Variants in PLD3 observed in about 807,000 individuals in gnomAD.
PLD3 encodes phospholipase D family member 3, also known as 5'-3' exonuclease PLD3.
Under a neutral mutation model 58.4 loss-of-function variants are expected in PLD3, and 31 were observed. The observed-to-expected ratio is 0.53, with a 90% CI of 0.40 to 0.72. The LOEUF is 0.72. Ranked by LOEUF, PLD3 falls within the 30% of genes least tolerant of loss-of-function variation. The pLI is 0.00. For missense variants in PLD3, 595 were observed against 659.8 expected, an observed-to-expected ratio of 0.90 and a Z score of 1.08; for synonymous variants, 264 against 273.4, an observed-to-expected ratio of 0.97 and a Z score of 0.34.
At chr19:40,373,991 C>CAAAAAA (rs750537190) in intron 9 of PLD3, among the ~76,000 whole-genome samples, 2 of 43,564 alleles carry the variant, frequency 4.6e-5, no homozygotes, top group Non-Finnish European at 9.5e-5. Context: ...GACTCCATCT[C>CAAAAAA]AAAAAAAAAA....
rs1195878258 is a variant in PLD3 at position 40,376,532 on chromosome 19, C to T, written c.1020-77C>T. ...GCTAAAGCAGGGCCCAGGCTTGGTT[C>T]CCCAAAGCTGAGGGCAAAGCCTGTG... On this transcript the variant is annotated intron_variant, in intron 10 of 12. Coordinates refer to ENST00000409735, the MANE Select transcript of PLD3 (RefSeq NM_012268.4). 1.7e-5 allele frequency: 25 copies of T among 1,439,524 alleles called. No homozygotes were observed. The East Asian group carries it at 5.5e-4, about 32-fold the overall frequency. 89.2% of individuals were successfully genotyped at this position (1,439,524 alleles called of 1,614,324 possible).
rs766025627 is a variant in PLD3 at position 40,369,944 on chromosome 19, C to G, written c.466C>G (p.Pro156Ala). The G allele has an allele frequency of 7.0e-6, 11 of 1,562,390 alleles. No individual in the cohort carries two copies. In the African/African-American group the frequency reaches 1.5e-4, roughly 21 times the overall value. Residue 156 changes from proline to alanine, a missense_variant, in exon 7 of 13, where the codon CCA becomes GCA. By Grantham distance (27) the Pro-to-Ala change is conservative. Transcript: ENST00000409735. ...CCTCCGGCAGCTGCAGACCCTGGCA[C>G]CAAAGGGCGTGAACGTCCGCATCGC... ...EVLRQLQTLA[P>A]KGVNVRIAVS...
rs149654273 is a variant in PLD3 at position 40,365,999 on chromosome 19, T to A, written c.-66+69T>A. 132 of 161,892 alleles carry A rather than the reference T, an allele frequency of 8.2e-4. 4 individuals are homozygous for A. The East Asian group carries it at 0.024, about 29-fold the overall frequency. 10.0% of individuals were successfully genotyped at this position (161,892 alleles called of 1,614,324 possible). ...CAGGGAGGCCCCGATGATCCCTGGC[T>A]GAGCTGTGTGGTGTGGGGGCACCTG... On this transcript the variant is annotated intron_variant, in intron 2 of 12. Coordinates refer to ENST00000409735, the MANE Select transcript of PLD3 (RefSeq NM_012268.4).
At chr19:40,348,791 G>C in intron 1 of PLD3, 23 bp downstream of exon 1, 1 of 318,570 alleles carries the variant, frequency 3.1e-6, no homozygotes, top group Admixed American at 5.0e-5. Context: ...CTGGGGGCGC[G>C]GCGCCTCGGC....
intron 1 of PLD3, chr19:40,357,695 T>C (rs1198112161): frequency 6.6e-6 from 1 of 152,226 alleles, no homozygotes; most frequent in East Asian, 1.9e-4. Flanking sequence ...GCTTTCAGTA[T>C]TTTTTGAGCA....
intron 9 of PLD3, among the ~76,000 whole-genome samples, chr19:40,372,352 C>A (rs1448144151): frequency 6.6e-6 from 1 of 151,386 alleles, no homozygotes; most frequent in Non-Finnish European, 1.5e-5. Context: ...ACAAAACTAG[C>A]TGGGTTGGGT....
intron 1 of PLD3, among the ~76,000 whole-genome samples, chr19:40,354,277 T>C (rs901859190): frequency 6.6e-6 from 1 of 151,892 alleles, no homozygotes; most frequent in African/African-American, 2.4e-5. Flanking sequence ...TTTCACCATG[T>C]TGGTCAGGCT....
At chr19:40,366,551 A>C in intron 3 of PLD3, 41 bp downstream of exon 3, 13 of 1,595,894 alleles carry the variant, frequency 8.1e-6, no homozygotes, top group Non-Finnish European at 1.1e-5. Context: ...AACTGGGTAC[A>C]GTGGGGGTGG....
chr19:40,353,814 A>G (rs967802130), intron 1 of PLD3, among the ~76,000 whole-genome samples: 58 of 151,876 alleles, frequency 3.8e-4, no homozygotes, highest in Non-Finnish European at 3.4e-4. Flanking sequence ...TCCTGACCTC[A>G]TGATCCGCCC....
rs77546639 is a variant in PLD3 at position 40,368,131 on chromosome 19, G to A, written c.429+252G>A. ...GTTACAAGGGATTATTAGGCTGGCA[G>A]ATGTCACTCACCCACAAGCTGTCCT... On this transcript the variant is annotated intron_variant, in intron 6 of 12. Transcript: ENST00000409735. Among the ~76,000 whole-genome samples the A allele has an allele frequency of 6.2e-3, 940 of 152,266 alleles. 5 individuals are homozygous for A. Among genetic ancestry groups the A allele is most frequent in the African/African-American group, 0.022 (897 of 41,550 alleles).
Position 40,370,244 on chromosome 19 carries a change from C to G in PLD3, c.678+7C>G. The G allele has an allele frequency of 1.9e-6, 3 of 1,609,912 alleles. No individual in the cohort carries two copies. Among genetic ancestry groups the G allele is most frequent in the Non-Finnish European group, 2.5e-6 (3 of 1,177,902 alleles). ...CTGGCGTTCACTGACCCAGGTCTGT[C>G]TGCACCCTGTCTACCTTCCTTCCAG... On this transcript the variant is annotated splice_region_variant and intron_variant, in intron 8 of 12. Coordinates refer to ENST00000409735, the MANE Select transcript of PLD3 (RefSeq NM_012268.4).
intron 5 of PLD3, 30 bp from the exon 6 acceptor site, chr19:40,367,666 G>A (rs376630251): frequency 1.8e-5 from 28 of 1,582,596 alleles, no homozygotes; most frequent in Admixed American, 1.2e-4. Context: ...CTCCGGCACC[G>A]TATGGCTGAT....
Position 40,378,261 on chromosome 19 carries a change from T to TTCTG in PLD3, c.*93_*96dup. ...ACGGTCCCTGTCCCCGCGCCCCCGC[T>TTCTG]TCTGTCTGCCCCATTGTGGCTCCTC... On this transcript the variant is annotated 3_prime_UTR_variant, in exon 13 of 13. Transcript: ENST00000409735. 1 of 1,222,108 alleles carries TTCTG rather than the reference T, an allele frequency of 8.2e-7. No homozygotes were observed. The highest frequency in any genetic ancestry group is 1.2e-6 in the Non-Finnish European group (1 of 836,396). 75.7% of individuals were successfully genotyped at this position (1,222,108 alleles called of 1,614,324 possible). A position where few individuals can be genotyped will look rare whatever the true frequency, so the allele number is the denominator to read the frequency against.
intron 1 of PLD3, chr19:40,358,954 C>A (rs557094945): frequency 2.2e-4 from 33 of 152,396 alleles, no homozygotes; most frequent in Admixed American, 2.0e-3. Flanking sequence ...GGGGGCAGGA[C>A]CACAAGGCAA....
chr19:40,373,217 G>A (rs1427273604), intron 9 of PLD3, among the ~76,000 whole-genome samples: 1 of 152,180 alleles, frequency 6.6e-6, no homozygotes, highest in Non-Finnish European at 1.5e-5. Context: ...TCCCGCAGGG[G>A]ATCAAGGCTC....
chr19:40,374,642 G>A (rs779877064), intron 10 of PLD3, 22 bp downstream of exon 10: 1 of 1,613,660 alleles, frequency 6.2e-7, no homozygotes, highest in Non-Finnish European at 8.5e-7. Context: ...TGTGGAGATA[G>A]GGAGCCGCTG....
chr19:40,366,898 C>G lies in PLD3; in HGVS notation c.228C>G (p.Pro76=). The part of the protein sequence containing the change: ...HLFGPNQRPA[P]CYDPCEAVLV... ...TTGGGCCCAACCAGCGCCCAGCCCC[C>G]TGCTATGACCCTTGCGAGTAAGTGG... The change falls in exon 5 of 13, where the codon CCC becomes CCG. Residue 76 remains proline, a synonymous_variant. Transcript: ENST00000409735. The G allele has an allele frequency of 6.2e-7, 1 of 1,605,182 alleles. No homozygotes were observed. Among genetic ancestry groups the G allele is most frequent in the Non-Finnish European group, 8.5e-7 (1 of 1,175,382 alleles).
intron 1 of PLD3, among the ~76,000 whole-genome samples, chr19:40,353,391 C>T (rs1313369244): frequency 6.6e-6 from 1 of 152,082 alleles, no homozygotes; most frequent in Non-Finnish European, 1.5e-5. Context: ...GATCCTGCCA[C>T]TGCACTCCAG....
At chr19:40,369,229 T>C (rs1274604970) in intron 6 of PLD3, among the ~76,000 whole-genome samples, 5 of 152,004 alleles carry the variant, frequency 3.3e-5, no homozygotes, top group Non-Finnish European at 7.4e-5. Context: ...ATGGTCTGGG[T>C]TCAAATCCTG....
Sources: gnomAD v4.1 joint callset for allele counts (sites outside exome capture counted in the v4.1 genomes callset) on GRCh38, gnomAD v4.1.1 for gene constraint, MANE v1.5 for transcripts, NCBI Gene and HGNC (gene_info 2026-07-23, HGNC 2026-07-21) for gene names.